CSMD3: variants seen among roughly 807,000 people sequenced by gnomAD.
The protein encoded by CSMD3 is CUB and sushi domain-containing protein 3.
Under a neutral mutation model 435.2 loss-of-function variants are expected in CSMD3, and 177 were observed. That is an observed-to-expected ratio of 0.41 (90% CI 0.36 to 0.46). The LOEUF (loss-of-function observed/expected upper bound fraction) is 0.46. Among genes scored for constraint, CSMD3 ranks in the 20% least tolerant of loss-of-function variants. CSMD3 has a pLI of 0.34. For missense variants in CSMD3, 4,265 were observed against 4,504.6 expected (o/e 0.95, Z 1.52); for synonymous variants, 1,656 against 1,520.5 (o/e 1.09, Z -2.07).
At chr8:112,744,215 T>A (rs1301365050) in intron 13 of CSMD3, among the ~76,000 whole-genome samples, 1 of 152,064 alleles carries the variant, frequency 6.6e-6, no homozygotes, top group South Asian at 2.1e-4. Context: ...GTTGAAAGAA[T>A]GTCATTGAGA....
intron 61 of CSMD3, among the ~76,000 whole-genome samples, chr8:112,259,412 G>A (rs993716050): frequency 1.3e-5 from 2 of 152,068 alleles, no homozygotes; most frequent in African/African-American, 4.8e-5. Flanking sequence ...GACACAGGGA[G>A]GGGAACATCA....
chr8:112,370,556 G>A (rs188240203), intron 38 of CSMD3, among the ~76,000 whole-genome samples: 5 of 151,594 alleles, frequency 3.3e-5, no homozygotes, highest in Admixed American at 1.3e-4. Context: ...CTTCTGTTTC[G>A]TGGTATTGGC....
At chr8:112,515,568 A>G (rs1410611198) in intron 28 of CSMD3, among the ~76,000 whole-genome samples, 1 of 152,096 alleles carries the variant, frequency 6.6e-6, no homozygotes, top group Non-Finnish European at 1.5e-5. Flanking sequence ...ATGTTTGTTG[A>G]TTTAGAATCT....
intron 1 of CSMD3, among the ~76,000 whole-genome samples, chr8:113,385,428 G>A: frequency 6.6e-6 from 1 of 152,122 alleles, no homozygotes; most frequent in East Asian, 1.9e-4. Flanking sequence ...TCATTATGAT[G>A]TAATGTGTCA....
In CSMD3 at chr8:112,643,596, C is replaced by T. The variant is rs557986080; in HGVS notation, c.3310+1513G>A. On this transcript the variant is annotated intron_variant, in intron 20 of 70. Transcript: ENST00000297405. ...TTTACATAGCAAGCAGTATGTAGCC[C>T]TCCACTCCCTTCTATAATATCAGGG... 524 of 168,666 alleles carry T rather than the reference C, an allele frequency of 3.1e-3. 1 individual carries two copies. Among genetic ancestry groups the T allele is most frequent in the Middle Eastern group, 5.9e-3 (4 of 678 alleles). The allele number at this position is 168,666 out of a possible 1,614,324, so 10.4% of individuals were successfully genotyped here. A position where few individuals can be genotyped will look rare whatever the true frequency, so the allele number is the denominator to read the frequency against.
intron 22 of CSMD3, among the ~76,000 whole-genome samples, chr8:112,604,340 T>C (rs1832622251): frequency 6.6e-6 from 1 of 152,146 alleles, no homozygotes; most frequent in South Asian, 2.1e-4. Context: ...AGAGTAGTTT[T>C]TTTCTAATTA....
chr8:112,616,466 G>A (rs1197360900), intron 22 of CSMD3, among the ~76,000 whole-genome samples: 1 of 152,090 alleles, frequency 6.6e-6, no homozygotes, highest in Non-Finnish European at 1.5e-5. Flanking sequence ...TTGAATGCTT[G>A]AATTCAGAAC....
At chr8:113,390,331 G>T (rs2094456380) in intron 1 of CSMD3, among the ~76,000 whole-genome samples, 1 of 151,628 alleles carries the variant, frequency 6.6e-6, no homozygotes, top group African/African-American at 2.4e-5. Flanking sequence ...GTATTTCACT[G>T]ACCCAGGAGA....
At chr8:112,411,179 A>C (rs1811302030) in intron 32 of CSMD3, among the ~76,000 whole-genome samples, 1 of 150,256 alleles carries the variant, frequency 6.7e-6, no homozygotes, top group Admixed American at 6.6e-5. Context: ...GTATGCAGAT[A>C]AAACAGTTTT....
At chr8:112,948,908 T>G (rs2083708341) in intron 8 of CSMD3, among the ~76,000 whole-genome samples, 1 of 151,594 alleles carries the variant, frequency 6.6e-6, no homozygotes, top group African/African-American at 2.4e-5. Context: ...TTTTTGGGAG[T>G]TTTTGGTTTT....
chr8:112,757,021 G>A (rs905799213), intron 13 of CSMD3, among the ~76,000 whole-genome samples: 1 of 151,846 alleles, frequency 6.6e-6, no homozygotes, highest in African/African-American at 2.4e-5. Flanking sequence ...CACCTGCCTC[G>A]GCCTCCCAAA....
At position 112,459,313 on chromosome 8, in the gene CSMD3, T is replaced by C. The variant is rs554838394; in HGVS notation, c.5395+13278A>G. Among the ~76,000 whole-genome samples the C allele has an allele frequency of 6.1e-5, 9 of 146,774 alleles. No individual in the cohort carries two copies. In the South Asian group the frequency reaches 1.5e-3, roughly 25 times the overall value. On this transcript the variant is annotated intron_variant, in intron 32 of 70. Transcript: ENST00000297405. The stretch of plus-strand genomic sequence containing the variant: ...TTTTTTCCTCACCCTTCATGCTCAC[T>C]AGCCAAATTTGTGCTCATAATTGTG...
chr8:112,660,473 G>A (rs934017099), intron 17 of CSMD3, among the ~76,000 whole-genome samples: 1 of 152,068 alleles, frequency 6.6e-6, no homozygotes, highest in Non-Finnish European at 1.5e-5. Flanking sequence ...CAATTTTCTG[G>A]CAAAGCATAT....
intron 1 of CSMD3, among the ~76,000 whole-genome samples, chr8:113,378,355 T>G (rs78499102): frequency 7.9e-5 from 12 of 152,292 alleles, no homozygotes; most frequent in Non-Finnish European, 1.5e-4. Context: ...AACAAACTTA[T>G]GCAAATGGTG....
intron 10 of CSMD3, among the ~76,000 whole-genome samples, chr8:112,864,351 C>T (rs1434375218): frequency 2.6e-5 from 4 of 151,952 alleles, no homozygotes; most frequent in South Asian, 4.2e-4. Flanking sequence ...CAGGTTCAAG[C>T]GATTCTCCTG....
In CSMD3 at chr8:112,304,895, T is replaced by C. The variant is rs2130779580; in HGVS notation, c.8092A>G (p.Asn2698Asp). ...CTTCCATGTTCCAAGATAAAGGAAT[T>C]GATGCTTGGACATGTAACAACTATA... is the stretch of plus-strand genomic sequence containing the variant. ...RCVVVTCPSI[N>D]SFILEHGRWR... Residue 2698 changes from asparagine (N) to aspartate (D), a missense_variant, in exon 52 of 71, where the codon AAT becomes GAT. Physicochemically the swap from Asn to Asp is conservative, Grantham distance 23. Transcript: ENST00000297405. The C allele has an allele frequency of 1.2e-6, 2 of 1,613,688 alleles. No homozygotes were observed. Among genetic ancestry groups the C allele is most frequent in the Non-Finnish European group, 1.7e-6 (2 of 1,179,808 alleles).
At chr8:112,270,004 C>T (rs1817313454) in intron 59 of CSMD3, among the ~76,000 whole-genome samples, 1 of 152,016 alleles carries the variant, frequency 6.6e-6, no homozygotes, top group African/African-American at 2.4e-5. Context: ...TTAATGAGGA[C>T]ATGTCTGGAG....
chr8:113,318,786 A>ATATGTGTGTGTGTGTGTGTG (rs71566042), intron 1 of CSMD3, among the ~76,000 whole-genome samples: 3 of 140,066 alleles, frequency 2.1e-5, no homozygotes, highest in African/African-American at 8.0e-5. Context: ...GCTGAATAAG[A>ATATGTGTGTGTGTGTGTGTG]TGTGTGTGTG....
Position 112,896,945 on chromosome 8 carries a change from T to G in CSMD3, c.1633+24682A>C, listed in dbSNP as rs370011363. On this transcript the variant is annotated intron_variant, in intron 10 of 70. Transcript: ENST00000297405. ...GCTATTCCAAAGAAATTATTTAATC[T>G]TTACCCTCTACCTCCTCTGGCTTTC... 6.6e-5 allele frequency among the ~76,000 whole-genome samples: 10 copies of G among 151,576 alleles called. 1 individual carries two copies. In the South Asian group the frequency reaches 1.7e-3, roughly 25 times the overall value.
Sources: gnomAD v4.1 joint callset for allele counts (sites outside exome capture counted in the v4.1 genomes callset) on GRCh38, gnomAD v4.1.1 for gene constraint, MANE v1.5 for transcripts, NCBI Gene and HGNC (gene_info 2026-07-23, HGNC 2026-07-21) for gene names.